PITPNC1: variants seen among roughly 807,000 people sequenced by gnomAD.
The protein encoded by PITPNC1 is cytoplasmic phosphatidylinositol transfer protein 1.
A neutral mutation model predicts 44.7 loss-of-function variants in PITPNC1; 18 were observed. The observed-to-expected ratio is 0.40, with a 90% CI of 0.28 to 0.60. The LOEUF (loss-of-function observed/expected upper bound fraction) is 0.60, where lower values mean the gene tolerates loss of function less well. PITPNC1 is among the 20% of genes least tolerant of loss of function. PITPNC1 has a pLI of 0.39. For missense variants in PITPNC1, 290 were observed against 418.4 expected (o/e 0.69, Z 2.68); for synonymous variants, 141 against 149.6 (o/e 0.94, Z 0.42).
chr17:67,664,702 G>A (rs565476731), intron 6 of PITPNC1, among the ~76,000 whole-genome samples: 4 of 152,056 alleles, frequency 2.6e-5, no homozygotes, highest in African/African-American at 4.8e-5. Context: ...TCAGGAGTTC[G>A]AGACCAGCCT....
At chr17:67,425,203 G>GCGCACACACACACACA (rs1370190915) in intron 1 of PITPNC1, among the ~76,000 whole-genome samples, 1 of 98,822 alleles carries the variant, frequency 1.0e-5, no homozygotes. Context: ...GCACGCACAC[G>GCGCACACACACACACA]CACACACACA....
chr17:67,599,030 ATATATTTT>A (rs1401132721), intron 5 of PITPNC1, among the ~76,000 whole-genome samples: 65 of 30,144 alleles, frequency 2.2e-3, no homozygotes, highest in African/African-American at 6.7e-3. Context: ...ATATATATAT[ATATATTTT>A]TTTTTTTTTT....
rs1160522771 is a variant in PITPNC1 at position 67,425,193 on chromosome 17, G to GCGCGCGCGCGCGCACACA, written c.48+46992_48+46993insGCGCGCGCGCGCACACAC. 3.3e-4 allele frequency among the ~76,000 whole-genome samples: 17 copies of GCGCGCGCGCGCGCACACA among 52,116 alleles called. 1 individual carries two copies. The East Asian group carries it at 3.3e-3, about 10-fold the overall frequency. 34.2% of individuals were successfully genotyped at this position (52,116 alleles called of 152,430 possible). A position where few individuals can be genotyped will look rare whatever the true frequency, so the allele number is the denominator to read the frequency against. On this transcript the variant is annotated intron_variant, in intron 1 of 8. Transcript: ENST00000581322. ...AAATAAACAGCCATGTTGTGCGCGC[G>GCGCGCGCGCGCGCACACA]CACGCACACGCACACACACACACAC... is the stretch of plus-strand genomic sequence containing the variant.
At chr17:67,425,483 CTCCT>C (rs534988394) in intron 1 of PITPNC1, among the ~76,000 whole-genome samples, 184 of 146,796 alleles carry the variant, frequency 1.3e-3, no homozygotes, top group Non-Finnish European at 1.9e-3. Flanking sequence ...CCCTCCCTCC[CTCCT>C]TCCTTCCTTC....
intron 5 of PITPNC1, among the ~76,000 whole-genome samples, chr17:67,622,898 A>G (rs1214243958): frequency 6.6e-6 from 1 of 151,942 alleles, no homozygotes; most frequent in African/African-American, 2.4e-5. Context: ...ATAATAAACC[A>G]TGAACCAACA....
intron 1 of PITPNC1, among the ~76,000 whole-genome samples, chr17:67,403,509 T>C (rs2038353666): frequency 6.6e-6 from 1 of 152,218 alleles, no homozygotes. Context: ...GTGTGGACAT[T>C]TATTTACCAA....
intron 1 of PITPNC1, among the ~76,000 whole-genome samples, chr17:67,499,594 C>G (rs575917100): frequency 4.1e-4 from 63 of 152,306 alleles, no homozygotes; most frequent in African/African-American, 1.3e-3. Flanking sequence ...TTCCTACTGC[C>G]CAGAGGCAAT....
At chr17:67,414,626 A>G (rs1418751889) in intron 1 of PITPNC1, among the ~76,000 whole-genome samples, 2 of 152,198 alleles carry the variant, frequency 1.3e-5, no homozygotes, top group Non-Finnish European at 2.9e-5. Flanking sequence ...TTTGTGTTAC[A>G]ATGGCAGAGT....
At chr17:67,519,209 C>G (rs2040296429) in intron 1 of PITPNC1, among the ~76,000 whole-genome samples, 2 of 122,738 alleles carry the variant, frequency 1.6e-5, no homozygotes, top group South Asian at 2.7e-4. Flanking sequence ...TGATGTCTTG[C>G]TCTGTTTCCC....
chr17:67,575,516 T>C (rs1377159565), intron 4 of PITPNC1, among the ~76,000 whole-genome samples: 1 of 152,226 alleles, frequency 6.6e-6, no homozygotes, highest in African/African-American at 2.4e-5. Flanking sequence ...GAACGCGTCC[T>C]GGCATGTGAT....
At chr17:67,480,837 C>T (rs1035965062) in intron 1 of PITPNC1, among the ~76,000 whole-genome samples, 2 of 152,188 alleles carry the variant, frequency 1.3e-5, no homozygotes, top group African/African-American at 2.4e-5. Context: ...TGCCATACCT[C>T]TTCTTGGAAC....
chr17:67,592,965 G>A (rs1332155120), intron 5 of PITPNC1, among the ~76,000 whole-genome samples: 1 of 152,146 alleles, frequency 6.6e-6, no homozygotes, highest in Non-Finnish European at 1.5e-5. Flanking sequence ...TTGAGCCTGG[G>A]AGGTCAAAAC....
At chr17:67,518,131 A>G (rs935828814) in intron 1 of PITPNC1, among the ~76,000 whole-genome samples, 2 of 152,182 alleles carry the variant, frequency 1.3e-5, no homozygotes. Context: ...GTGATTCTGT[A>G]ATTTGCTACA....
intron 1 of PITPNC1, among the ~76,000 whole-genome samples, chr17:67,429,085 C>T (rs1348918446): frequency 2.6e-5 from 4 of 152,178 alleles, no homozygotes; most frequent in African/African-American, 9.6e-5. Context: ...AGGTGATCCA[C>T]CTGCCTTGGC....
At chr17:67,455,605 GT>G (rs571600495) in intron 1 of PITPNC1, among the ~76,000 whole-genome samples, 2,778 of 142,880 alleles carry the variant, frequency 0.019, 107 homozygotes, top group African/African-American at 0.066. Flanking sequence ...GTTTTTTTTT[GT>G]TTTTTTTGTA....
intron 2 of PITPNC1, among the ~76,000 whole-genome samples, chr17:67,536,961 T>C (rs545703726): frequency 6.6e-6 from 1 of 152,318 alleles, no homozygotes; most frequent in Non-Finnish European, 1.5e-5. Flanking sequence ...CAAGTGAACC[T>C]TGATAACAAC....
intron 1 of PITPNC1, among the ~76,000 whole-genome samples, chr17:67,520,366 A>C (rs1016087801): frequency 6.6e-6 from 1 of 152,114 alleles, no homozygotes; most frequent in African/African-American, 2.4e-5. Flanking sequence ...CTTGTGATTG[A>C]CTGTGGGTTT....
At chr17:67,575,896 A>C in intron 4 of PITPNC1, among the ~76,000 whole-genome samples, 1 of 18,662 alleles carries the variant, frequency 5.4e-5, no homozygotes. Flanking sequence ...TTTTTTTTTG[A>C]GACTGAGTCT....
At chr17:67,628,946 G>T (rs1452453258) in intron 5 of PITPNC1, among the ~76,000 whole-genome samples, 2 of 152,146 alleles carry the variant, frequency 1.3e-5, no homozygotes, top group African/African-American at 4.8e-5. Flanking sequence ...TACTGATGAG[G>T]CTCACTGTAA....
Sources: gnomAD v4.1 joint callset for allele counts (sites outside exome capture counted in the v4.1 genomes callset) on GRCh38, gnomAD v4.1.1 for gene constraint, MANE v1.5 for transcripts, NCBI Gene and HGNC (gene_info 2026-07-23, HGNC 2026-07-21) for gene names.